The following WSCD2 variants were observed in gnomAD, a reference collection of about 807,000 sequenced individuals.
WSCD2 encodes WSC domain sialate O sulfotransferase 2.
Under a neutral mutation model 55.7 loss-of-function variants are expected in WSCD2, and 28 were observed. That is an observed-to-expected ratio of 0.50 (90% CI 0.37 to 0.69). The LOEUF (loss-of-function observed/expected upper bound fraction) is 0.69. WSCD2 is among the 30% of genes least tolerant of loss of function. The probability of loss-of-function intolerance (pLI) is 0.00; values close to 1 mark genes in which losing one functional copy is unlikely to be tolerated. For missense variants in WSCD2, 616 were observed against 762.1 expected, an observed-to-expected ratio of 0.81 and a Z score of 2.26; for synonymous variants, 301 against 301.9, an observed-to-expected ratio of 1.00 and a Z score of 0.03.
At chr12:108,143,875 AG>A (rs1420556296) in intron 1 of WSCD2, among the ~76,000 whole-genome samples, 1 of 152,060 alleles carries the variant, frequency 6.6e-6, no homozygotes, top group South Asian at 2.1e-4. Flanking sequence ...CCAGGGATGC[AG>A]GGGGGCGGTC....
chr12:108,133,690 C>T (rs1175369869), intron 1 of WSCD2, among the ~76,000 whole-genome samples: 1 of 152,184 alleles, frequency 6.6e-6, no homozygotes, highest in African/African-American at 2.4e-5. Context: ...ATGATGCGTG[C>T]TCATTTTTCC....
chr12:108,230,703 C>T (rs958457104), intron 6 of WSCD2, among the ~76,000 whole-genome samples: 1 of 152,184 alleles, frequency 6.6e-6, no homozygotes, highest in Non-Finnish European at 1.5e-5. Context: ...ACAGGGAAGA[C>T]CCTGGTAAAA....
chr12:108,206,399 G>C lies in WSCD2; in HGVS notation c.493G>C (p.Glu165Gln). 1.2e-6 allele frequency: 2 copies of C among 1,614,102 alleles called. No homozygotes were observed. The highest frequency in any genetic ancestry group is 1.7e-6 in the Non-Finnish European group (2 of 1,179,962). Residue 165 changes from glutamate (E) to glutamine (Q), a missense_variant, in exon 3 of 9, where the codon GAA becomes CAA. Glu to Gln is a conservative substitution (Grantham distance 29). This residue lies in a region of WSCD2 where 374 missense variants were observed against 467.4 expected (regional missense o/e 0.80). Coordinates refer to ENST00000547525, the MANE Select transcript of WSCD2 (RefSeq NM_014653.4). ...TIFRCQDNCA[E>Q]RGYLYGGLEF... Reference sequence around the variant, plus strand: ...CTTCCGTTGCCAGGACAACTGTGCTGAACGGTAGGGTCCCAGCATCCCAGA... The same window carrying C: ...CTTCCGTTGCCAGGACAACTGTGCTCAACGGTAGGGTCCCAGCATCCCAGA...
chr12:108,142,576 A>C (rs1262822858), intron 1 of WSCD2, among the ~76,000 whole-genome samples: 1 of 152,242 alleles, frequency 6.6e-6, no homozygotes, highest in South Asian at 2.1e-4. Context: ...GTAAAATAGA[A>C]ATAATGATAG....
chr12:108,243,439 G>A (rs757156302), intron 8 of WSCD2, among the ~76,000 whole-genome samples: 19 of 152,086 alleles, frequency 1.2e-4, no homozygotes, highest in East Asian at 1.9e-4. Context: ...GGGTTTCACC[G>A]TGTTAGCCAG....
intron 1 of WSCD2, among the ~76,000 whole-genome samples, chr12:108,158,468 CG>C (rs1878742988): frequency 1.8e-4 from 1 of 5,544 alleles, no homozygotes; most frequent in Non-Finnish European, 3.2e-4. Flanking sequence ...CTGGGGCGGG[CG>C]GGGTGGGGGT....
At chr12:108,137,857 A>G (rs1876378766) in intron 1 of WSCD2, among the ~76,000 whole-genome samples, 1 of 152,224 alleles carries the variant, frequency 6.6e-6, no homozygotes, top group African/African-American at 2.4e-5. Flanking sequence ...ACAATGTTGG[A>G]TAAGTGACAT....
intron 1 of WSCD2, among the ~76,000 whole-genome samples, chr12:108,164,523 T>G (rs1466462815): frequency 2.0e-5 from 3 of 152,156 alleles, no homozygotes; most frequent in Admixed American, 1.3e-4. Flanking sequence ...TTTCTCCTTT[T>G]GAAGGACACA....
chr12:108,197,994 A>T (rs10746120), intron 2 of WSCD2, among the ~76,000 whole-genome samples: 84,024 of 147,990 alleles, frequency 0.57, 24,131 homozygotes, highest in East Asian at 0.73. Context: ...CAAGTCTTTA[A>T]TCAAACCTCG....
intron 1 of WSCD2, among the ~76,000 whole-genome samples, chr12:108,188,431 G>A (rs182150011): frequency 2.6e-5 from 4 of 152,204 alleles, no homozygotes; most frequent in African/African-American, 7.2e-5. Context: ...TGAGCACGAT[G>A]GAATCATTAA....
chr12:108,241,998 G>A (rs193258763), intron 8 of WSCD2, among the ~76,000 whole-genome samples: 13 of 152,306 alleles, frequency 8.5e-5, no homozygotes, highest in Admixed American at 7.8e-4. Context: ...TGGATTAGAT[G>A]AACCATTGGT....
chr12:108,146,826 G>A (rs2136899959), intron 1 of WSCD2, among the ~76,000 whole-genome samples: 1 of 152,294 alleles, frequency 6.6e-6, no homozygotes, highest in African/African-American at 2.4e-5. Context: ...ATTTTTATAG[G>A]TCCTTCAAGC....
Position 108,184,511 on chromosome 12 carries a change from C to T in WSCD2, c.-551-10771C>T, listed in dbSNP as rs138933449. ...TGGAACCAGCAAATGGCAATTTGCT[C>T]GTGTTTGCGGCTGGGAGCAATGGGG... On this transcript the variant is annotated intron_variant, in intron 1 of 8. Transcript: ENST00000547525. Among the ~76,000 whole-genome samples the T allele has an allele frequency of 1.8e-4, 28 of 152,256 alleles. No individual in the cohort carries two copies. In the East Asian group the frequency reaches 4.1e-3, roughly 22 times the overall value.
intron 1 of WSCD2, among the ~76,000 whole-genome samples, chr12:108,184,659 C>A (rs1200795163): frequency 6.6e-6 from 1 of 152,186 alleles, no homozygotes; most frequent in African/African-American, 2.4e-5. Context: ...GGTTCCTCAT[C>A]TGTAAAACAT....
chr12:108,240,376 G>A lies in WSCD2; in HGVS notation c.1177G>A (p.Gly393Arg), dbSNP rs770059284. The A allele has an allele frequency of 6.2e-6, 10 of 1,614,120 alleles. No homozygotes were observed. The East Asian group carries it at 8.9e-5, about 14-fold the overall frequency. ...FKGERDHWRS[G>R]RTICIKTHES... is the part of the protein sequence containing the mutation. ...AGGTGAGCGGGACCACTGGCGCAGC[G>A]GACGGACCATCTGCATCAAGACGCA... Residue 393 changes from glycine (G) to arginine (R), a missense_variant, in exon 8 of 9, where the codon GGA becomes AGA. Physicochemically the swap from Gly to Arg is moderately radical, Grantham distance 125. Around this residue, in one of 3 missense-constraint regions of WSCD2, gnomAD observed 234 missense variants for 264.6 expected, o/e 0.88. Transcript: ENST00000547525.
At chr12:108,229,879 A>AG (rs1888552388) in intron 6 of WSCD2, among the ~76,000 whole-genome samples, 1 of 152,112 alleles carries the variant, frequency 6.6e-6, no homozygotes, top group African/African-American at 2.4e-5. Context: ...AAAAAAAAAA[A>AG]AAAGTCAAAC....
At chr12:108,216,066 T>C (rs1593052720) in intron 4 of WSCD2, among the ~76,000 whole-genome samples, 1 of 152,186 alleles carries the variant, frequency 6.6e-6, no homozygotes, top group African/African-American at 2.4e-5. Flanking sequence ...AAAATTCAGG[T>C]AGCTGGAATG....
At chr12:108,243,887 C>T (rs1195643195) in intron 8 of WSCD2, among the ~76,000 whole-genome samples, 4 of 152,160 alleles carry the variant, frequency 2.6e-5, no homozygotes, top group Non-Finnish European at 5.9e-5. Context: ...AATTACAGCT[C>T]AGTCCAGACT....
intron 8 of WSCD2, among the ~76,000 whole-genome samples, chr12:108,243,811 C>T (rs139232460): frequency 9.9e-5 from 15 of 152,206 alleles, no homozygotes; most frequent in African/African-American, 3.6e-4. Flanking sequence ...TGAAGATCAC[C>T]CTGTAAGAGC....
Sources: allele counts gnomAD v4.1 joint callset (sites outside exome capture counted in the v4.1 genomes callset), GRCh38; gene constraint gnomAD v4.1.1; regional missense constraint gnomAD v4.1.1; transcripts MANE v1.5; gene names NCBI Gene and HGNC (gene_info 2026-07-23, HGNC 2026-07-21).